RNF125: variants seen among roughly 807,000 people sequenced by gnomAD.
RNF125 encodes ring finger protein 125.
A neutral mutation model predicts 26.0 loss-of-function variants in RNF125; 21 were observed. That is an observed-to-expected ratio of 0.81 (90% CI 0.57 to 1.16). The LOEUF is 1.16. Among genes scored for constraint, RNF125 ranks in the 50% most tolerant of loss-of-function variants. The probability of loss-of-function intolerance (pLI) is 0.00; values close to 1 mark genes in which losing one functional copy is unlikely to be tolerated. For missense variants in RNF125, 270 were observed against 299.4 expected (o/e 0.90, Z 0.72); for synonymous variants, 95 against 109.2 (o/e 0.87, Z 0.81).
At chr18:32,019,085 C>T in intron 1 of RNF125, 58 bp downstream of exon 1, 1 of 1,584,160 alleles carries the variant, frequency 6.3e-7, no homozygotes, top group Non-Finnish European at 8.6e-7. Flanking sequence ...TGTGGGGAAG[C>T]TGAGGGCATG....
At chr18:32,056,209 C>T (rs576472650) in intron 4 of RNF125, among the ~76,000 whole-genome samples, 2 of 151,830 alleles carry the variant, frequency 1.3e-5, no homozygotes, top group Non-Finnish European at 2.9e-5. Context: ...GGAGAGATTT[C>T]GTAGACTTTC....
intron 1 of RNF125, among the ~76,000 whole-genome samples, chr18:32,025,050 T>G (rs1025894903): frequency 6.6e-5 from 10 of 151,864 alleles, no homozygotes; most frequent in African/African-American, 2.4e-4. Flanking sequence ...GGTGACAGAT[T>G]GAGAGTCGTT....
rs1005803257 is a variant in RNF125 at position 32,071,031 on chromosome 18, G to A, written c.*2647G>A. On this transcript the variant is annotated 3_prime_UTR_variant, in exon 6 of 6. Coordinates refer to ENST00000217740, the MANE Select transcript of RNF125 (RefSeq NM_017831.4). ...CCAATTTTTAAAATAGTTATACTAT[G>A]TCAACATTTTCAGAACATACTGGTA... 2 of 152,024 alleles carry A rather than the reference G, an allele frequency of 1.3e-5. No homozygotes were observed. Among genetic ancestry groups the A allele is most frequent in the African/African-American group, 2.4e-5 (1 of 41,368 alleles). The allele number at this position is 152,024 out of a possible 1,614,324, so 9.4% of individuals were successfully genotyped here.
intron 5 of RNF125, among the ~76,000 whole-genome samples, chr18:32,067,046 A>C (rs2039491228): frequency 6.6e-6 from 1 of 152,104 alleles, no homozygotes; most frequent in South Asian, 2.1e-4. Context: ...AGGTCAGGAG[A>C]TCGTGACCAT....
Position 32,068,346 on chromosome 18 carries a change from T to A in RNF125, c.661T>A (p.Ser221Thr), listed in dbSNP as rs773443582. The A allele has an allele frequency of 5.6e-6, 9 of 1,601,180 alleles. No individual in the cohort carries two copies. Among genetic ancestry groups the A allele is most frequent in the Non-Finnish European group, 7.7e-6 (9 of 1,168,370 alleles). The part of the protein sequence containing the change: ...EALIRRVLDR[S>T]LLEYVNHSNT... ...TCTTATCCGAAGAGTCTTAGACCGG[T>A]CACTTCTTGAATATGTGAATCACTC... is the stretch of plus-strand genomic sequence containing the variant. The change falls in exon 6 of 6, where the codon TCA (serine) becomes ACA (threonine). Residue 221 changes from serine (S) to threonine (T), a missense_variant. Coordinates refer to ENST00000217740, the MANE Select transcript of RNF125 (RefSeq NM_017831.4).
At chr18:32,076,386 G>A, downstream of RNF125, 1 of 202,138 alleles carries the variant, frequency 4.9e-6, no homozygotes, top group Non-Finnish European at 1.0e-5. Flanking sequence ...TATGATTACA[G>A]CTCACTGCAA....
chr18:32,050,732 C>A (rs1598819916), intron 4 of RNF125, among the ~76,000 whole-genome samples: 1 of 151,876 alleles, frequency 6.6e-6, no homozygotes, highest in Non-Finnish European at 1.5e-5. Context: ...AATTATGAGA[C>A]CACTTTTTTT....
At chr18:32,044,033 G>A (rs1023675386) in intron 3 of RNF125, among the ~76,000 whole-genome samples, 67 of 151,938 alleles carry the variant, frequency 4.4e-4, no homozygotes, top group African/African-American at 1.6e-3. Context: ...TTGAGATGGA[G>A]TCTTGCTCTG....
At chr18:32,040,718 G>A (rs1447169228) in intron 2 of RNF125, among the ~76,000 whole-genome samples, 2 of 152,054 alleles carry the variant, frequency 1.3e-5, no homozygotes, top group Admixed American at 6.6e-5. Flanking sequence ...ACTATGAATT[G>A]ATCAATTCAT....
chr18:32,051,062 C>T (rs2144493432), intron 4 of RNF125, among the ~76,000 whole-genome samples: 1 of 151,786 alleles, frequency 6.6e-6, no homozygotes, highest in East Asian at 1.9e-4. Context: ...TCTTACTCAT[C>T]CTTTGGAGCT....
chr18:32,052,896 C>T (rs1220844923), intron 4 of RNF125, among the ~76,000 whole-genome samples: 1 of 152,160 alleles, frequency 6.6e-6, no homozygotes, highest in Non-Finnish European at 1.5e-5. Flanking sequence ...ATACATAGTA[C>T]TTGGCAACTG....
chr18:32,019,398 G>C (rs77280871), intron 1 of RNF125, among the ~76,000 whole-genome samples: 4,673 of 152,140 alleles, frequency 0.031, 244 homozygotes, highest in African/African-American at 0.11. Flanking sequence ...GAAAGGAAAC[G>C]AGCTCCAGCT....
At chr18:32,034,900 C>CAAAA (rs10674977) in intron 1 of RNF125, among the ~76,000 whole-genome samples, 6 of 113,718 alleles carry the variant, frequency 5.3e-5, no homozygotes, top group South Asian at 3.2e-4. Context: ...AACTCCATCT[C>CAAAA]AAAAAAAAAA....
chr18:32,023,086 A>G (rs1313719256), intron 1 of RNF125, among the ~76,000 whole-genome samples: 2 of 151,988 alleles, frequency 1.3e-5, no homozygotes, highest in African/African-American at 2.4e-5. Flanking sequence ...GGGCTCAGCA[A>G]TCCTCCTGCC....
At chr18:32,057,192 G>A (rs1203746877) in intron 4 of RNF125, among the ~76,000 whole-genome samples, 1 of 152,042 alleles carries the variant, frequency 6.6e-6, no homozygotes, top group Non-Finnish European at 1.5e-5. Context: ...CTCCAAGAAT[G>A]GTCAGTGAAT....
rs78769487 is a variant in RNF125, at chr18:32,032,843, G to T, written c.165-4273G>T. 5.3e-3 allele frequency among the ~76,000 whole-genome samples: 808 copies of T among 151,956 alleles called. 2 individuals are homozygous for T. Among genetic ancestry groups the T allele is most frequent in the African/African-American group, 0.018 (741 of 41,436 alleles). On this transcript the variant is annotated intron_variant, in intron 1 of 5. Coordinates refer to ENST00000217740, the MANE Select transcript of RNF125 (RefSeq NM_017831.4). ...CATTGCAGCCTGGGCGACAGAGCAA[G>T]ACATCTGGCAAAAAAAACCAAAAAA...
chr18:32,073,689 A>T (rs1473320579), downstream of RNF125, among the ~76,000 whole-genome samples: 6 of 152,214 alleles, frequency 3.9e-5, no homozygotes, highest in African/African-American at 1.4e-4. Flanking sequence ...CCCATATGTC[A>T]TGAGCATATT....
At chr18:32,036,747 T>C (rs184213616) in intron 1 of RNF125, among the ~76,000 whole-genome samples, 17 of 152,254 alleles carry the variant, frequency 1.1e-4, no homozygotes, top group Middle Eastern at 3.4e-3. Flanking sequence ...TATTTTCTTA[T>C]GTGACACACA....
At chr18:32,061,023 C>A (rs2039429190) in intron 4 of RNF125, among the ~76,000 whole-genome samples, 1 of 152,126 alleles carries the variant, frequency 6.6e-6, no homozygotes, top group African/African-American at 2.4e-5. Context: ...ATCTTGTTTG[C>A]TTAAAATTCT....
Sources: gnomAD v4.1 joint callset for allele counts (sites outside exome capture counted in the v4.1 genomes callset) on GRCh38, gnomAD v4.1.1 for gene constraint, MANE v1.5 for transcripts, NCBI Gene and HGNC (gene_info 2026-07-23, HGNC 2026-07-21) for gene names.